Variants in PLEKHG5 observed in about 807,000 individuals in gnomAD.
PLEKHG5 encodes pleckstrin homology domain-containing family G member 5.
In PLEKHG5, 52 loss-of-function variants were observed where a neutral mutation model predicts 103.8. The observed-to-expected ratio is 0.50, with a 90% CI of 0.40 to 0.63. The LOEUF is 0.63. PLEKHG5 is among the 30% of genes least tolerant of loss of function. The probability of loss-of-function intolerance (pLI) is 0.00; values close to 1 mark genes in which losing one functional copy is unlikely to be tolerated. For synonymous variants in PLEKHG5, 592 were observed against 575.5 expected, an observed-to-expected ratio of 1.03 and a Z score of -0.41; for missense variants, 1,205 against 1,347.6, an observed-to-expected ratio of 0.89 and a Z score of 1.66.
At chr1:6,498,923 G>A (rs2148629425), upstream of PLEKHG5, among the ~76,000 whole-genome samples, 1 of 152,350 alleles carries the variant, frequency 6.6e-6, no homozygotes, top group African/African-American at 2.4e-5. Flanking sequence ...CCTGCTGGGA[G>A]GAAGCTGACT....
intron 6 of PLEKHG5, 77 bp from the exon 7 acceptor site, chr1:6,474,241 A>G (rs1362322180): frequency 6.5e-7 from 1 of 1,548,628 alleles, no homozygotes; most frequent in Non-Finnish European, 8.8e-7. Flanking sequence ...CTCTCCCCGG[A>G]GGATCCACAC....
upstream of PLEKHG5, among the ~76,000 whole-genome samples, chr1:6,493,954 C>T (rs974897933): frequency 6.7e-6 from 1 of 150,092 alleles, no homozygotes; most frequent in African/African-American, 2.5e-5. Flanking sequence ...GCCCCTGCGC[C>T]TGGCCTGTTA....
intron 1 of PLEKHG5, among the ~76,000 whole-genome samples, chr1:6,518,653 T>C (rs1638694147): frequency 6.7e-6 from 1 of 150,200 alleles, no homozygotes; most frequent in Non-Finnish European, 1.5e-5. Context: ...AAAGACAAGG[T>C]TGGGAACGGT....
chr1:6,506,982 G>A (rs1323360557), intron 1 of PLEKHG5, among the ~76,000 whole-genome samples: 1 of 152,238 alleles, frequency 6.6e-6, no homozygotes, highest in Non-Finnish European at 1.5e-5. Context: ...GGGTGGAGCT[G>A]GAGGAAGTCA....
Position 6,477,739 on chromosome 1 carries a change from A to G in PLEKHG5, c.-87-81T>C, listed in dbSNP as rs555224865. ...CCCCGGCCCAGCGCTGCAGGGACTT[A>G]GAATGAACTGCCCTCCATCTCTCGA... is the stretch of plus-strand genomic sequence containing the variant. On this transcript the variant is annotated intron_variant, in intron 1 of 20. Transcript: ENST00000377728. 4 of 1,434,122 alleles carry G rather than the reference A, an allele frequency of 2.8e-6. No homozygotes were observed. In the East Asian group the frequency reaches 6.9e-5, roughly 25 times the overall value. 88.8% of individuals were successfully genotyped at this position (1,434,122 alleles called of 1,614,324 possible).
At chr1:6,475,348 C>T in intron 4 of PLEKHG5, 114 bp downstream of exon 4, 2 of 931,934 alleles carry the variant, frequency 2.1e-6, no homozygotes, top group Admixed American at 1.7e-5. Context: ...TCTCCCAGAC[C>T]TCTGCACCCT....
intron 3 of PLEKHG5, 129 bp from the exon 4 acceptor site, chr1:6,475,651 C>G: frequency 1.2e-6 from 1 of 831,882 alleles, no homozygotes; most frequent in Non-Finnish European, 2.0e-6. Context: ...TGGATTCAAC[C>G]CGGCCAGGCC....
intron 1 of PLEKHG5, among the ~76,000 whole-genome samples, chr1:6,484,624 C>T (rs1262864388): frequency 6.6e-6 from 1 of 152,138 alleles, no homozygotes; most frequent in East Asian, 1.9e-4. Context: ...AGGCAGGACT[C>T]CCCCAGCACT....
In PLEKHG5 at chr1:6,468,168, C is replaced by T. The variant is rs1644450876; in HGVS notation, c.2668G>A (p.Gly890Ser). The part of the protein sequence containing the change: ...ASLLQLLAGA[G>S]THGTPSAPSR... The stretch of plus-strand genomic sequence containing the variant: ...GGGGCAGAGGGTGTCCCATGGGTGC[C>T]AGCCCCTGCCAGCAGCTGGAGGAGG... Residue 890 changes from glycine to serine, a missense_variant, in exon 20 of 21, where the codon GGC becomes AGC. By Grantham distance (56) the Gly-to-Ser change is moderately conservative. Coordinates refer to ENST00000377728, the MANE Select transcript of PLEKHG5 (RefSeq NM_020631.6). 6 of 1,568,288 alleles carry T rather than the reference C, an allele frequency of 3.8e-6. No individual in the cohort carries two copies. The highest frequency in any genetic ancestry group is 1.7e-4 in the Middle Eastern group (1 of 5,788).
At chr1:6,485,105 TCTCAGCCGGCGGGGACAC>T (rs1644994992) in intron 1 of PLEKHG5, among the ~76,000 whole-genome samples, 1 of 151,950 alleles carries the variant, frequency 6.6e-6, no homozygotes, top group South Asian at 2.1e-4. Flanking sequence ...GGCGGGGACA[TCTCAGCCGGCGGGGACAC>T]ACCCCGGAGT....
rs1486930266 is a variant in PLEKHG5 at position 6,467,553 on chromosome 1, C to A, written c.*10G>T. 14 of 1,613,318 alleles carry A rather than the reference C, an allele frequency of 8.7e-6. No homozygotes were observed. The highest frequency in any genetic ancestry group is 1.2e-5 in the Non-Finnish European group (14 of 1,179,732). ...CTTGGTCAATGGCACTCTTGGGGGC[C>A]TCCCTCTGCTCAGACCTCCCTACAG... On this transcript the variant is annotated 3_prime_UTR_variant, in exon 21 of 21. Coordinates refer to ENST00000377728, the MANE Select transcript of PLEKHG5 (RefSeq NM_020631.6).
rs1418638857 is a variant in PLEKHG5, at chr1:6,470,943, A to G, written c.1392+47T>C. 1.0e-5 allele frequency: 15 copies of G among 1,435,090 alleles called. No individual in the cohort carries two copies. The East Asian group carries it at 3.5e-4, about 33-fold the overall frequency. 88.9% of individuals were successfully genotyped at this position (1,435,090 alleles called of 1,614,324 possible). ...GGCCCCGCCCCACCCGGCCCCGTCC[A>G]GGGTCCCGTCCTCCTGCGCCCCCGC... is the stretch of plus-strand genomic sequence containing the variant. On this transcript the variant is annotated intron_variant, in intron 13 of 20. Coordinates refer to ENST00000377728, the MANE Select transcript of PLEKHG5 (RefSeq NM_020631.6).
At chr1:6,498,411 A>G (rs565989633), upstream of PLEKHG5, among the ~76,000 whole-genome samples, 2 of 152,318 alleles carry the variant, frequency 1.3e-5, no homozygotes, top group East Asian at 1.9e-4. Context: ...GCCTGCCCCA[A>G]GGACTCCTGG....
Position 6,477,625 on chromosome 1 carries a change from G to T in PLEKHG5, c.-54C>A. Reference sequence around the variant, plus strand: ...TCGCAGAGGTTGAGGGGCCCCCGGCGGTGCAGCTGCTGGCAGTCGGCGTGG... The same window carrying T: ...TCGCAGAGGTTGAGGGGCCCCCGGCTGTGCAGCTGCTGGCAGTCGGCGTGG... On this transcript the variant is annotated 5_prime_UTR_variant, in exon 2 of 21. Transcript: ENST00000377728. The T allele has an allele frequency of 6.2e-7, 1 of 1,608,932 alleles. No homozygotes were observed.
chr1:6,469,111 C>G lies in PLEKHG5; in HGVS notation c.2180G>C (p.Ser727Thr). 2 of 1,612,574 alleles carry G rather than the reference C, an allele frequency of 1.2e-6. No homozygotes were observed. Among genetic ancestry groups the G allele is most frequent in the Non-Finnish European group, 1.7e-6 (2 of 1,179,950 alleles). ...EEEEEEEGED[S>T]GTSAASSPTI... ...AGGGGAGCTGGCAGCTGAAGTGCCA[C>G]TGTCCTCGCCTTCCTCCTCCTCCTC... The change falls in exon 19 of 21, where the codon AGT becomes ACT. Residue 727 changes from serine (S) to threonine (T), a missense_variant. Coordinates refer to ENST00000377728, the MANE Select transcript of PLEKHG5 (RefSeq NM_020631.6).
rs140687324 is a variant in PLEKHG5 at position 6,477,538 on chromosome 1, G to T, written c.34C>A (p.Pro12Thr). ...HYDGHVRFDL[P>T]PQGSVLARNV... ...TCCCGCCTGTGCTCACCTTGTGGGG[G>T]AAGGTCGAAGCGGACATGCCCATCA... The change falls in exon 2 of 21, where the codon CCC (proline) becomes ACC (threonine). Residue 12 changes from proline to threonine, a missense_variant. Transcript: ENST00000377728. 6.8e-4 allele frequency: 1,097 copies of T among 1,611,942 alleles called. 15 individuals are homozygous for T. In the South Asian group the frequency reaches 8.3e-3, roughly 12 times the overall value.
intron 1 of PLEKHG5, among the ~76,000 whole-genome samples, chr1:6,484,571 A>T (rs1408467886): frequency 6.6e-6 from 1 of 152,044 alleles, no homozygotes; most frequent in Admixed American, 6.5e-5. Flanking sequence ...GTTCTGCCTC[A>T]CGTCCCACCC....
At chr1:6,474,422 G>A (rs369674970) in intron 6 of PLEKHG5, 29 bp downstream of exon 6, 14 of 1,612,820 alleles carry the variant, frequency 8.7e-6, no homozygotes, top group African/African-American at 2.7e-5. Flanking sequence ...CAGTCCCAGC[G>A]GCCCCATTTG....
At chr1:6,512,897 T>TA (rs1553180368) in intron 1 of PLEKHG5, among the ~76,000 whole-genome samples, 1 of 152,012 alleles carries the variant, frequency 6.6e-6, no homozygotes, top group Non-Finnish European at 1.5e-5. Flanking sequence ...AGGGTGGCCA[T>TA]GGGGGGGTGA....
Sources: gnomAD v4.1 joint callset for allele counts (sites outside exome capture counted in the v4.1 genomes callset) on GRCh38, gnomAD v4.1.1 for gene constraint, MANE v1.5 for transcripts, NCBI Gene and HGNC (gene_info 2026-07-23, HGNC 2026-07-21) for gene names.